Variants in WAPL observed in about 807,000 individuals in gnomAD.
WAPL encodes the protein WAPL cohesin release factor.
WAPL carries 5 observed loss-of-function variants against 121.0 expected under a neutral mutation model. The observed-to-expected ratio is 0.04, with a 90% CI of 0.02 to 0.09. The LOEUF is 0.09. Among genes scored for constraint, WAPL ranks in the 10% least tolerant of loss-of-function variants. The pLI is 1.00. For missense variants in WAPL, 999 were observed against 1,410.8 expected (o/e 0.71, Z 4.68); for synonymous variants, 480 against 481.5 (o/e 1.00, Z 0.04).
Position 86,452,037 on chromosome 10 carries a change from A to G in WAPL, c.3044T>C (p.Ile1015Thr), listed in dbSNP as rs759906452. The change falls in exon 15 of 19, where the codon ATC becomes ACC. Residue 1015 changes from isoleucine to threonine, a missense_variant. Around this residue, in one of 7 missense-constraint regions of WAPL, gnomAD observed 126 missense variants for 144.0 expected, o/e 0.87. Transcript: ENST00000298767. ...METSCSFDSS[I>T]CSGEGDDSLR... ...ACTATCATCCCCTTCTCCACTACAG[A>G]TGGAAGAATCAAAAGAGCACGATGT... 14 of 1,614,056 alleles carry G rather than the reference A, an allele frequency of 8.7e-6. No individual in the cohort carries two copies. In the East Asian group the frequency reaches 2.0e-4, roughly 23 times the overall value.
chr10:86,473,682 C>T (rs1242822885), intron 5 of WAPL, among the ~76,000 whole-genome samples, 196 bp downstream of exon 5: 2 of 152,114 alleles, frequency 1.3e-5, no homozygotes, highest in Non-Finnish European at 2.9e-5. Flanking sequence ...CCTAGCAGCA[C>T]TAGAATTTCT....
At chr10:86,515,520 C>T (rs545576677) in intron 2 of WAPL, among the ~76,000 whole-genome samples, 33 of 152,206 alleles carry the variant, frequency 2.2e-4, no homozygotes, top group African/African-American at 6.7e-4. Flanking sequence ...CGATGGCTCA[C>T]GCTTGCAATC....
intron 2 of WAPL, among the ~76,000 whole-genome samples, chr10:86,503,212 G>C (rs532056300): frequency 6.6e-6 from 1 of 152,296 alleles, no homozygotes; most frequent in South Asian, 2.1e-4. Context: ...GCTCACACCT[G>C]TAATCCCAGC....
At chr10:86,459,218 G>A (rs951572835) in intron 11 of WAPL, among the ~76,000 whole-genome samples, 153 bp from the exon 12 acceptor site, 8 of 152,100 alleles carry the variant, frequency 5.3e-5, no homozygotes, top group African/African-American at 1.9e-4. Context: ...ACAGGTTCCA[G>A]GTGTAAAATA....
intron 4 of WAPL, among the ~76,000 whole-genome samples, chr10:86,484,827 A>C (rs1427940555): frequency 6.6e-6 from 1 of 151,892 alleles, no homozygotes. Flanking sequence ...AGGCTATACC[A>C]TATAGCCTAG....
chr10:86,459,794 T>C (rs1041079361), intron 11 of WAPL, among the ~76,000 whole-genome samples: 1 of 152,108 alleles, frequency 6.6e-6, no homozygotes, highest in Non-Finnish European at 1.5e-5. Flanking sequence ...TGTAGTCAAG[T>C]AGAAATTCAC....
At chr10:86,455,299 G>A (rs962115539) in intron 12 of WAPL, among the ~76,000 whole-genome samples, 24 of 152,182 alleles carry the variant, frequency 1.6e-4, no homozygotes, top group Admixed American at 4.6e-4. Context: ...TGTGTAGAAA[G>A]AAGTAGACAT....
chr10:86,517,423 C>T lies in WAPL; in HGVS notation c.499+148G>A, dbSNP rs989717082. On this transcript the variant is annotated intron_variant, in intron 2 of 18. Transcript: ENST00000298767. ...ACCTCCAACTGGTTTCTTTAAAGTT[C>T]TTAAATGTCTTTTACAAAACTATCA... 6.5e-6 allele frequency: 8 copies of T among 1,223,184 alleles called. No individual in the cohort carries two copies. The African/African-American group carries it at 1.2e-4, about 19-fold the overall frequency. The allele number at this position is 1,223,184 out of a possible 1,614,324, so 75.8% of individuals were successfully genotyped here. A position where few individuals can be genotyped will look rare whatever the true frequency, so the allele number is the denominator to read the frequency against.
chr10:86,467,026 G>C (rs1416055485), intron 9 of WAPL: 2 of 385,236 alleles, frequency 5.2e-6, no homozygotes, highest in Non-Finnish European at 9.4e-6. Flanking sequence ...AAAATAAAGA[G>C]AAAAGGATTA....
intron 12 of WAPL, 35 bp downstream of exon 12, chr10:86,458,954 A>G: frequency 6.7e-7 from 1 of 1,497,142 alleles, no homozygotes; most frequent in South Asian, 1.2e-5. Flanking sequence ...AATAAGTAAC[A>G]ATGTTAGTTG....
In WAPL at chr10:86,437,306, T is replaced by C. The variant is rs571403032; in HGVS notation, c.*237A>G. On this transcript the variant is annotated 3_prime_UTR_variant, in exon 19 of 19. Transcript: ENST00000298767. ...AAATGTATTTAAATACTGCATGGAATTGTTAACAGCCTGAACCTTTTCCCC... is the reference window on the plus strand; with the variant it reads ...AAATGTATTTAAATACTGCATGGAACTGTTAACAGCCTGAACCTTTTCCCC... 232 of 488,822 alleles carry C rather than the reference T, an allele frequency of 4.7e-4. 3 individuals are homozygous for C. Among genetic ancestry groups the C allele is most frequent in the Middle Eastern group, 2.6e-3 (5 of 1,900 alleles). 30.3% of individuals were successfully genotyped at this position (488,822 alleles called of 1,614,324 possible).
intron 12 of WAPL, among the ~76,000 whole-genome samples, chr10:86,454,579 G>A (rs189543991): frequency 0.011 from 1,659 of 152,324 alleles, 37 homozygotes; most frequent in African/African-American, 0.037. Context: ...ATCTTGGCTC[G>A]CTACAACCTC....
chr10:86,497,408 G>A, intron 3 of WAPL, 89 bp from the exon 4 acceptor site: 1 of 931,714 alleles, frequency 1.1e-6, no homozygotes, highest in South Asian at 1.4e-5. Flanking sequence ...ATGAATGAAT[G>A]AAAATGGGAA....
At chr10:86,515,824 T>C (rs1842544579) in intron 2 of WAPL, among the ~76,000 whole-genome samples, 1 of 151,186 alleles carries the variant, frequency 6.6e-6, no homozygotes, top group Non-Finnish European at 1.5e-5. Context: ...TTATACATTT[T>C]TAGGAGCTGA....
rs1447880682 is a variant in WAPL at position 86,472,833 on chromosome 10, G to A, written c.1741-69C>T. ...AAAAATAGGAACGTCTCATCTATCT[G>A]GCAAATTCAGCTTCAAAAAAAAGTA... is the stretch of plus-strand genomic sequence containing the variant. On this transcript the variant is annotated intron_variant, in intron 5 of 18. Coordinates refer to ENST00000298767, the MANE Select transcript of WAPL (RefSeq NM_015045.5). This position sits in a 1 kb window ranked among gnomAD's most constrained non-coding sequence, Gnocchi z 4.2. 7 of 1,422,566 alleles carry A rather than the reference G, an allele frequency of 4.9e-6. No homozygotes were observed. The East Asian group carries it at 1.8e-4, about 36-fold the overall frequency. 88.1% of individuals were successfully genotyped at this position (1,422,566 alleles called of 1,614,324 possible).
chr10:86,479,287 C>T (rs1424784464), intron 4 of WAPL, among the ~76,000 whole-genome samples: 1 of 152,162 alleles, frequency 6.6e-6, no homozygotes, highest in African/African-American at 2.4e-5. Flanking sequence ...CAAAGTTTCT[C>T]GCTCTTACTG....
intron 2 of WAPL, among the ~76,000 whole-genome samples, chr10:86,514,384 AC>A (rs1842518084): frequency 6.6e-6 from 1 of 152,252 alleles, no homozygotes; most frequent in African/African-American, 2.4e-5. Context: ...TTCTTATCCT[AC>A]AGGGAGCTGC....
intron 2 of WAPL, among the ~76,000 whole-genome samples, chr10:86,512,585 G>A (rs996167816): frequency 6.6e-6 from 1 of 152,214 alleles, no homozygotes; most frequent in African/African-American, 2.4e-5. Flanking sequence ...TCTTAGAAGG[G>A]TGGACCTTTA....
At chr10:86,447,849 C>T (rs1045913528) in intron 15 of WAPL, among the ~76,000 whole-genome samples, 1 of 151,284 alleles carries the variant, frequency 6.6e-6, no homozygotes, top group Admixed American at 6.6e-5. Context: ...CAGGAGTTGG[C>T]GACTAGCCCG....
Sources: gnomAD v4.1 joint callset for allele counts (sites outside exome capture counted in the v4.1 genomes callset) on GRCh38, gnomAD v4.1.1 for gene constraint, gnomAD v4.1.1 regional missense constraint, Gnocchi (gnomAD v3.1) non-coding constraint, MANE v1.5 for transcripts, NCBI Gene and HGNC (gene_info 2026-07-23, HGNC 2026-07-21) for gene names.